The following KCNIP4 variants were observed in gnomAD, a reference collection of about 807,000 sequenced individuals.
KCNIP4 encodes potassium voltage-gated channel interacting protein 4, also known as Kv channel-interacting protein 4.
KCNIP4 carries 12 observed loss-of-function variants against 34.0 expected under a neutral mutation model. The observed-to-expected ratio is 0.35, with a 90% confidence interval of 0.23 to 0.57. The LOEUF (loss-of-function observed/expected upper bound fraction) is 0.57, where lower values mean the gene tolerates loss of function less well. Among genes scored for constraint, KCNIP4 ranks in the 20% least tolerant of loss-of-function variants. The probability of loss-of-function intolerance (pLI) is 0.83; values close to 1 mark genes in which losing one functional copy is unlikely to be tolerated. For missense variants in KCNIP4, 238 were observed against 311.7 expected (o/e 0.76, Z 1.78); for synonymous variants, 124 against 102.2 (o/e 1.21, Z -1.29).
intron 1 of KCNIP4, among the ~76,000 whole-genome samples, chr4:21,221,245 C>T (rs1757961514): frequency 6.6e-6 from 1 of 152,162 alleles, no homozygotes. Context: ...AACCTCACAT[C>T]TCCTAGCATA....
chr4:21,173,707 A>C (rs1754186461), intron 1 of KCNIP4, among the ~76,000 whole-genome samples: 1 of 152,208 alleles, frequency 6.6e-6, no homozygotes, highest in Non-Finnish European at 1.5e-5. Context: ...CAGTAGGTCC[A>C]GTGCTCTCTG....
intron 1 of KCNIP4, among the ~76,000 whole-genome samples, chr4:21,127,964 T>G (rs1189778282): frequency 6.6e-6 from 1 of 152,254 alleles, no homozygotes; most frequent in Non-Finnish European, 1.5e-5. Context: ...ACTGAAGACA[T>G]GCTAAAGCAG....
Position 21,268,666 on chromosome 4 carries a change from C to T in KCNIP4, c.62-385957G>A, listed in dbSNP as rs139299274. On this transcript the variant is annotated intron_variant, in intron 1 of 8. Transcript: ENST00000382152. ...AGAGGAACATTTCTTTTACATGTGG[C>T]CTTTGAGCCTGTGAGGCATTTGAGC... is the stretch of plus-strand genomic sequence containing the variant. Among the ~76,000 whole-genome samples, 55 of 152,230 alleles carry T rather than the reference C, an allele frequency of 3.6e-4. 1 individual carries two copies. The East Asian group carries it at 0.01, about 28-fold the overall frequency.
intron 1 of KCNIP4, among the ~76,000 whole-genome samples, chr4:21,218,416 CATT>C (rs1248236205): frequency 6.6e-6 from 1 of 151,994 alleles, no homozygotes; most frequent in Non-Finnish European, 1.5e-5. Context: ...TTCTTCATTT[CATT>C]ATTATAAGGA....
intron 1 of KCNIP4, among the ~76,000 whole-genome samples, chr4:20,986,585 C>T (rs188077688): frequency 6.6e-5 from 10 of 152,264 alleles, no homozygotes; most frequent in Admixed American, 2.6e-4. Context: ...AACTAAAGTA[C>T]TGAGAGGGGG....
intron 1 of KCNIP4, among the ~76,000 whole-genome samples, chr4:21,218,381 T>C (rs1020218788): frequency 6.6e-6 from 1 of 151,984 alleles, no homozygotes; most frequent in African/African-American, 2.4e-5. Flanking sequence ...ACCATATACA[T>C]TTATCTTTAT....
At chr4:21,360,420 A>G (rs1560327072) in intron 1 of KCNIP4, among the ~76,000 whole-genome samples, 2 of 152,106 alleles carry the variant, frequency 1.3e-5, no homozygotes, top group African/African-American at 2.4e-5. Flanking sequence ...AGTAATTCAG[A>G]ACTCTTAAAA....
intron 1 of KCNIP4, among the ~76,000 whole-genome samples, chr4:21,808,678 A>C (rs1158543559): frequency 1.3e-5 from 2 of 152,190 alleles, no homozygotes; most frequent in African/African-American, 4.8e-5. Context: ...CTGTATATGC[A>C]ATGGATGGCT....
At chr4:21,493,784 T>C (rs1466198217) in intron 1 of KCNIP4, among the ~76,000 whole-genome samples, 1 of 152,160 alleles carries the variant, frequency 6.6e-6, no homozygotes, top group Non-Finnish European at 1.5e-5. Flanking sequence ...CCTACCATAA[T>C]AAGAAATTCC....
intron 7 of KCNIP4, 76 bp from the exon 8 acceptor site, chr4:20,732,144 G>A: frequency 9.9e-7 from 1 of 1,006,786 alleles, no homozygotes. Context: ...ATGAGCTGAA[G>A]CTGATAAAAA....
chr4:21,642,036 C>A lies in KCNIP4; in HGVS notation c.61+306535G>T, dbSNP rs550888922. 2.0e-5 allele frequency among the ~76,000 whole-genome samples: 3 copies of A among 152,120 alleles called. No individual in the cohort carries two copies. In the South Asian group the frequency reaches 6.2e-4, roughly 32 times the overall value. On this transcript the variant is annotated intron_variant, in intron 1 of 8. Transcript: ENST00000382152. Reference sequence around the variant, plus strand: ...GTTACTTACTCTGGATATTGATTTGCCTTTTCTGCACACGATGTTTCTGCC... The same window carrying A: ...GTTACTTACTCTGGATATTGATTTGACTTTTCTGCACACGATGTTTCTGCC...
chr4:21,581,638 C>A (rs907768333), intron 1 of KCNIP4, among the ~76,000 whole-genome samples: 3 of 152,028 alleles, frequency 2.0e-5, no homozygotes, highest in Admixed American at 1.3e-4. Context: ...ATAGAATATA[C>A]CCAAAATGAA....
chr4:21,044,695 T>C (rs931511933), intron 1 of KCNIP4, among the ~76,000 whole-genome samples: 1 of 152,170 alleles, frequency 6.6e-6, no homozygotes, highest in African/African-American at 2.4e-5. Flanking sequence ...AGTATTTACT[T>C]CCACATCAAC....
intron 3 of KCNIP4, among the ~76,000 whole-genome samples, chr4:20,773,467 A>G (rs957600791): frequency 6.6e-6 from 1 of 151,712 alleles, no homozygotes; most frequent in Non-Finnish European, 1.5e-5. Flanking sequence ...CCAAAAGGAA[A>G]CTCCCGGGCC....
At chr4:21,525,869 T>C (rs1048059979) in intron 1 of KCNIP4, among the ~76,000 whole-genome samples, 5 of 152,204 alleles carry the variant, frequency 3.3e-5, no homozygotes, top group African/African-American at 1.2e-4. Flanking sequence ...ATTTTTATAA[T>C]CATTAGTAAT....
At chr4:20,866,647 G>A (rs1220404709) in intron 2 of KCNIP4, among the ~76,000 whole-genome samples, 4 of 152,062 alleles carry the variant, frequency 2.6e-5, no homozygotes, top group Non-Finnish European at 4.4e-5. Context: ...GGTATTGGAA[G>A]TCCTAGCCAG....
At chr4:21,569,916 T>C (rs1010011890) in intron 1 of KCNIP4, among the ~76,000 whole-genome samples, 2 of 151,960 alleles carry the variant, frequency 1.3e-5, no homozygotes, top group South Asian at 4.2e-4. Flanking sequence ...GCCTGGCTGT[T>C]TTTTTACACA....
At chr4:21,169,143 G>A (rs1205742231) in intron 1 of KCNIP4, among the ~76,000 whole-genome samples, 1 of 152,084 alleles carries the variant, frequency 6.6e-6, no homozygotes, top group Admixed American at 6.6e-5. Flanking sequence ...CTCTAATCAG[G>A]AATTAAAACT....
intron 1 of KCNIP4, among the ~76,000 whole-genome samples, chr4:21,891,412 G>T (rs1243323639): frequency 6.6e-6 from 1 of 151,998 alleles, no homozygotes; most frequent in African/African-American, 2.4e-5. Flanking sequence ...AATTCCATAG[G>T]AAAGTTCCAT....
Sources: allele counts gnomAD v4.1 joint callset (sites outside exome capture counted in the v4.1 genomes callset), GRCh38; gene constraint gnomAD v4.1.1; transcripts MANE v1.5; gene names NCBI Gene and HGNC (gene_info 2026-07-23, HGNC 2026-07-21).